The following KCNU1 variants were observed in gnomAD, a reference collection of about 807,000 sequenced individuals.
KCNU1 encodes potassium calcium-activated channel subfamily U member 1.
KCNU1 carries 93 observed loss-of-function variants against 126.8 expected under a neutral mutation model. The observed-to-expected ratio is 0.73, with a 90% CI of 0.62 to 0.87. KCNU1 has a LOEUF of 0.87. Ranked by LOEUF, KCNU1 falls within the 40% of genes least tolerant of loss-of-function variation. The probability of loss-of-function intolerance (pLI) is 0.00; values close to 1 mark genes in which losing one functional copy is unlikely to be tolerated. For synonymous variants in KCNU1, 523 were observed against 494.2 expected (o/e 1.06, Z -0.77); for missense variants, 1,330 against 1,367.1 (o/e 0.97, Z 0.43).
chr8:36,794,133 A>C (rs1292540877), intron 2 of KCNU1, among the ~76,000 whole-genome samples: 2 of 151,944 alleles, frequency 1.3e-5, no homozygotes, highest in African/African-American at 2.4e-5. Context: ...AATGAAAGCA[A>C]GTCACAGGTC....
intron 2 of KCNU1, among the ~76,000 whole-genome samples, chr8:36,803,707 A>G (rs1440197392): frequency 6.6e-6 from 1 of 152,230 alleles, no homozygotes; most frequent in Non-Finnish European, 1.5e-5. Context: ...GATCACAGGA[A>G]AGGACATCTT....
chr8:36,836,210 A>C, intron 12 of KCNU1, 86 bp from the exon 13 acceptor site: 1 of 830,194 alleles, frequency 1.2e-6, no homozygotes, highest in Non-Finnish European at 2.0e-6. Flanking sequence ...ACTTACCTAC[A>C]TATCAATTTA....
At chr8:36,815,748 G>A (rs910353469) in intron 9 of KCNU1, 61 bp downstream of exon 9, 94 of 939,494 alleles carry the variant, frequency 1.0e-4, no homozygotes, top group Admixed American at 2.6e-4. Flanking sequence ...CATATATCTC[G>A]TTCTAGACAT....
chr8:36,840,344 C>CTT (rs1804902220), intron 14 of KCNU1, 119 bp from the exon 15 acceptor site: 1 of 602,352 alleles, frequency 1.7e-6, no homozygotes. Context: ...AGATAAATCT[C>CTT]TTTTTTATGA....
Position 36,864,472 on chromosome 8 carries a change from C to T in KCNU1, c.1960C>T (p.Pro654Ser). 1 of 1,613,218 alleles carries T rather than the reference C, an allele frequency of 6.2e-7. No individual in the cohort carries two copies. Among genetic ancestry groups the T allele is most frequent in the East Asian group, 2.2e-5 (1 of 44,846 alleles). Reference protein sequence around the residue: ...ISSRISGQDSPPRVSASTSSI... With the variant: ...ISSRISGQDSSPRVSASTSSI... The stretch of plus-strand genomic sequence containing the variant: ...CTCTCGTATATCAGGGCAGGATTCT[C>T]CGCCAAGGGTATCTGCAAGCACTTC... Residue 654 changes from proline to serine, a missense_variant, in exon 19 of 27, where the codon CCG becomes TCG. Physicochemically the swap from Pro to Ser is moderately conservative, Grantham distance 74. This residue lies in a region of KCNU1 where 1,054 missense variants were observed against 1,053.9 expected (regional missense o/e 1.00). Coordinates refer to ENST00000399881, the MANE Select transcript of KCNU1 (RefSeq NM_001031836.3).
intron 1 of KCNU1, among the ~76,000 whole-genome samples, chr8:36,784,975 A>G (rs889628748): frequency 6.6e-6 from 1 of 152,234 alleles, no homozygotes; most frequent in African/African-American, 2.4e-5. Flanking sequence ...GTGAAAGGGA[A>G]CAAGACATCA....
intron 19 of KCNU1, among the ~76,000 whole-genome samples, chr8:36,875,395 A>G (rs1806244362): frequency 6.7e-6 from 1 of 148,942 alleles, no homozygotes; most frequent in Admixed American, 6.7e-5. Context: ...TTACAGATAT[A>G]TAATAGTGTT....
In KCNU1 at chr8:36,879,885, G is replaced by A. The variant is rs1286597690; in HGVS notation, c.2009+15364G>A. 4.6e-5 allele frequency among the ~76,000 whole-genome samples: 7 copies of A among 152,158 alleles called. No homozygotes were observed. The South Asian group carries it at 6.2e-4, about 14-fold the overall frequency. ...TATTTGTTACATTTTAATAAGGCTTGGAAACTTAGATGTTATTCACTCCAA... is the reference window on the plus strand; with the variant it reads ...TATTTGTTACATTTTAATAAGGCTTAGAAACTTAGATGTTATTCACTCCAA... On this transcript the variant is annotated intron_variant, in intron 19 of 26. Coordinates refer to ENST00000399881, the MANE Select transcript of KCNU1 (RefSeq NM_001031836.3).
chr8:36,858,104 G>A (rs1008568110), intron 18 of KCNU1, among the ~76,000 whole-genome samples: 1 of 146,312 alleles, frequency 6.8e-6, no homozygotes, highest in Admixed American at 7.1e-5. Context: ...AAAACTAAAG[G>A]CTCTGTCTTA....
intron 5 of KCNU1, among the ~76,000 whole-genome samples, chr8:36,807,073 T>C (rs541736584): frequency 7.2e-5 from 11 of 152,312 alleles, no homozygotes; most frequent in African/African-American, 2.6e-4. Flanking sequence ...TGCTTCTACA[T>C]GCTTGATATG....
rs780006853 is a variant in KCNU1, at chr8:36,935,730, CACCAGTCTATTCTT to C, written c.3266_3279del (p.Val1089AlafsTer4). 1.4e-5 allele frequency: 23 copies of C among 1,612,814 alleles called. No homozygotes were observed. In the African/African-American group the frequency reaches 2.8e-4, roughly 20 times the overall value. Reference sequence around the variant, plus strand: ...GATTCAGTTACTGAGACATTGTATTCACCAGTCTATTCTTACCAGCCGAGAACTAACTCCCTCTC... The same window carrying C: ...GATTCAGTTACTGAGACATTGTATTCACCAGCCGAGAACTAACTCCCTCTC... On this transcript the variant is annotated frameshift_variant, in exon 27 of 27. Transcript: ENST00000399881. LOFTEE classifies it low-confidence loss of function (END_TRUNC).
chr8:36,797,096 T>G (rs1226692202), intron 2 of KCNU1, among the ~76,000 whole-genome samples: 3 of 152,190 alleles, frequency 2.0e-5, no homozygotes, highest in Middle Eastern at 3.4e-3. Flanking sequence ...TTTCAGGAGA[T>G]TTCGGTTCAA....
chr8:36,888,538 C>G (rs749349668), intron 19 of KCNU1: 1 of 533,140 alleles, frequency 1.9e-6, no homozygotes, highest in Admixed American at 1.9e-5. Context: ...TTTACAAGAT[C>G]TGGGAGATCA....
At chr8:36,840,861 C>A (rs1433382142) in intron 15 of KCNU1, 71 bp from the exon 16 acceptor site, 1 of 1,043,672 alleles carries the variant, frequency 9.6e-7, no homozygotes, top group Non-Finnish European at 1.5e-6. Context: ...AGGCACAGAG[C>A]ACAGAGTGTT....
chr8:36,904,141 A>C (rs1475596001), intron 19 of KCNU1, among the ~76,000 whole-genome samples: 1 of 152,150 alleles, frequency 6.6e-6, no homozygotes, highest in Admixed American at 6.5e-5. Flanking sequence ...GTGTTTTGCA[A>C]AAGGAATTGG....
intron 19 of KCNU1, among the ~76,000 whole-genome samples, chr8:36,868,694 T>C (rs1055777819): frequency 2.0e-5 from 3 of 152,174 alleles, no homozygotes; most frequent in Admixed American, 2.0e-4. Flanking sequence ...ACAGCAGTTA[T>C]GTTGTCAGGC....
At chr8:36,888,286 C>G (rs1302690895) in intron 19 of KCNU1, among the ~76,000 whole-genome samples, 2 of 152,016 alleles carry the variant, frequency 1.3e-5, no homozygotes, top group Non-Finnish European at 2.9e-5. Context: ...AAAGGAAATA[C>G]TAGAAATCAA....
In KCNU1 at chr8:36,909,474, T is replaced by C; in HGVS notation, c.2270T>C (p.Leu757Pro). The stretch of plus-strand genomic sequence containing the variant: ...AAGGACATAGTGTTCATTGGGTCTC[T>C]GGACTATCTACAGAGAGAATGGCGA... ...ELKDIVFIGS[L>P]DYLQREWRFL... Residue 757 changes from leucine to proline, a missense_variant, in exon 21 of 27, where the codon CTG (leucine) becomes CCG (proline). This residue lies in a region of KCNU1 where 1,054 missense variants were observed against 1,053.9 expected (regional missense o/e 1.00). Transcript: ENST00000399881. 6.2e-7 allele frequency: 1 copy of C among 1,613,558 alleles called. No individual in the cohort carries two copies. The highest frequency in any genetic ancestry group is 8.5e-7 in the Non-Finnish European group (1 of 1,179,476).
rs764412603 is a variant in KCNU1 at position 36,833,417 on chromosome 8, T to A, written c.1107-137T>A. 1.7e-4 allele frequency: 81 copies of A among 464,072 alleles called. No individual in the cohort carries two copies. In the Middle Eastern group the frequency reaches 2.9e-3, roughly 17 times the overall value. The allele number at this position is 464,072 out of a possible 1,614,324, so 28.7% of individuals were successfully genotyped here. ...TTAGTAATTACATTTTTTAAAAAAA[T>A]AGTATTAACTTGATTTGTATTTTTT... is the stretch of plus-strand genomic sequence containing the variant. On this transcript the variant is annotated intron_variant, in intron 10 of 26. Coordinates refer to ENST00000399881, the MANE Select transcript of KCNU1 (RefSeq NM_001031836.3).
Sources: gnomAD v4.1 joint callset for allele counts (sites outside exome capture counted in the v4.1 genomes callset) on GRCh38, gnomAD v4.1.1 for gene constraint, gnomAD v4.1.1 regional missense constraint, MANE v1.5 for transcripts, NCBI Gene and HGNC (gene_info 2026-07-23, HGNC 2026-07-21) for gene names.